KCNMA1: variants seen among roughly 807,000 people sequenced by gnomAD.
KCNMA1 encodes the protein potassium calcium-activated channel subfamily M alpha 1.
In KCNMA1, 29 loss-of-function variants were observed where a neutral mutation model predicts 140.0. That is an observed-to-expected ratio of 0.21 (90% CI 0.15 to 0.28). The LOEUF (loss-of-function observed/expected upper bound fraction) is 0.28, where lower values mean the gene tolerates loss of function less well. Ranked by LOEUF, KCNMA1 falls within the 10% of genes least tolerant of loss-of-function variation. The pLI is 1.00. For missense variants in KCNMA1, 880 were observed against 1,602.2 expected (o/e 0.55, Z 7.70); for synonymous variants, 612 against 611.9 (o/e 1.00, Z 0.00).
intron 19 of KCNMA1, among the ~76,000 whole-genome samples, chr10:76,986,456 T>C (rs1728632253): frequency 6.6e-6 from 1 of 152,216 alleles, no homozygotes; most frequent in Non-Finnish European, 1.5e-5. Flanking sequence ...GTCTCAGGCA[T>C]AGGCCATGGG....
chr10:77,233,236 C>T (rs1445820645), intron 3 of KCNMA1, among the ~76,000 whole-genome samples: 1 of 152,096 alleles, frequency 6.6e-6, no homozygotes, highest in African/African-American at 2.4e-5. Context: ...ATCTATATGT[C>T]CAGAATGACT....
chr10:77,116,294 G>T (rs2097463094), intron 6 of KCNMA1, among the ~76,000 whole-genome samples: 1 of 152,128 alleles, frequency 6.6e-6, no homozygotes, highest in Non-Finnish European at 1.5e-5. Flanking sequence ...GTCAGGCACA[G>T]GATTCTTGTA....
At chr10:77,367,538 C>G (rs997395120) in intron 2 of KCNMA1, among the ~76,000 whole-genome samples, 1 of 152,110 alleles carries the variant, frequency 6.6e-6, no homozygotes, top group African/African-American at 2.4e-5. Flanking sequence ...AGAATCTGCA[C>G]TTTTCAAAAG....
At chr10:77,375,127 C>T (rs1401484345) in intron 2 of KCNMA1, among the ~76,000 whole-genome samples, 2 of 152,144 alleles carry the variant, frequency 1.3e-5, no homozygotes, top group African/African-American at 4.8e-5. Context: ...GTGAAGGTCA[C>T]AGAAAAGGCA....
chr10:77,439,082 A>G (rs1358732293), intron 1 of KCNMA1, among the ~76,000 whole-genome samples: 2 of 123,144 alleles, frequency 1.6e-5, no homozygotes, highest in South Asian at 2.6e-4. Flanking sequence ...AAAAGAAAGA[A>G]AAGAAAAGAG....
intron 6 of KCNMA1, among the ~76,000 whole-genome samples, chr10:77,117,539 C>CAAAAAAAAAAAA (rs56926398): frequency 1.2e-3 from 28 of 22,492 alleles, no homozygotes; most frequent in Non-Finnish European, 1.6e-3. Flanking sequence ...GAGTCTATCT[C>CAAAAAAAAAAAA]AAAAAAAAAA....
chr10:76,914,245 C>A (rs984051595), intron 24 of KCNMA1: 2 of 789,798 alleles, frequency 2.5e-6, no homozygotes, highest in Non-Finnish European at 4.2e-6. Flanking sequence ...AAAGGGACCC[C>A]GGACCACAGG....
At chr10:77,555,572 C>T (rs893810125) in intron 1 of KCNMA1, among the ~76,000 whole-genome samples, 7 of 151,960 alleles carry the variant, frequency 4.6e-5, no homozygotes, top group East Asian at 1.9e-4. Flanking sequence ...CTAGTTCAGC[C>T]GACTTAGAAA....
At chr10:77,421,519 C>T (rs2096866618) in intron 1 of KCNMA1, among the ~76,000 whole-genome samples, 1 of 152,186 alleles carries the variant, frequency 6.6e-6, no homozygotes, top group Non-Finnish European at 1.5e-5. Context: ...AACTATTCAG[C>T]TCTGTTGCTG....
At chr10:77,349,137 A>G (rs1336423016) in intron 2 of KCNMA1, among the ~76,000 whole-genome samples, 2 of 152,134 alleles carry the variant, frequency 1.3e-5, no homozygotes, top group Non-Finnish European at 2.9e-5. Flanking sequence ...CTCATCACCA[A>G]TGTAATTATA....
At chr10:77,434,071 G>A (rs575211571) in intron 1 of KCNMA1, among the ~76,000 whole-genome samples, 5 of 152,124 alleles carry the variant, frequency 3.3e-5, no homozygotes, top group East Asian at 1.9e-4. Flanking sequence ...CTCAACACAC[G>A]GGACATTTAT....
intron 16 of KCNMA1, among the ~76,000 whole-genome samples, chr10:77,027,562 A>T (rs2093572899): frequency 6.6e-6 from 1 of 152,112 alleles, no homozygotes; most frequent in Non-Finnish European, 1.5e-5. Flanking sequence ...TCAGGTGGAG[A>T]TATTTTGAGG....
chr10:76,991,693 G>C (rs1051224062), intron 19 of KCNMA1, among the ~76,000 whole-genome samples: 3 of 152,032 alleles, frequency 2.0e-5, no homozygotes, highest in Admixed American at 2.0e-4. Context: ...TCCTATTCAA[G>C]TACTCTTGCC....
chr10:77,637,606 C>CGCTGCT lies in KCNMA1; in HGVS notation c.31_36dup (p.Ser11_Ser12dup). The CGCTGCT allele has an allele frequency of 6.6e-7, 1 of 1,506,154 alleles. No homozygotes were observed. The highest frequency in any genetic ancestry group is 8.9e-7 in the Non-Finnish European group (1 of 1,129,248). 93.3% of individuals were successfully genotyped at this position (1,506,154 alleles called of 1,614,324 possible). A position where few individuals can be genotyped will look rare whatever the true frequency, so the allele number is the denominator to read the frequency against. The stretch of plus-strand genomic sequence containing the variant: ...CTGCCTCCGCCGCCGCCGCCGCCGC[C>CGCTGCT]GCTGCTGCCGCCGCCGCCGCCGCCA... On this transcript the variant is annotated inframe_insertion, in exon 1 of 28. Coordinates refer to ENST00000286628, the MANE Select transcript of KCNMA1 (RefSeq NM_001161352.2).
chr10:77,124,880 G>A (rs1003090853), intron 5 of KCNMA1, among the ~76,000 whole-genome samples: 9 of 152,156 alleles, frequency 5.9e-5, no homozygotes, highest in Non-Finnish European at 2.9e-5. Context: ...AAAGGAAAGA[G>A]GTTTAATTGA....
chr10:77,259,403 G>A (rs549444871), intron 2 of KCNMA1, among the ~76,000 whole-genome samples: 1 of 152,054 alleles, frequency 6.6e-6, no homozygotes, highest in Admixed American at 6.5e-5. Context: ...CATACTCTGT[G>A]TGCAATGGAC....
In KCNMA1 at chr10:76,949,150, T is replaced by G. The variant is rs762661695; in HGVS notation, c.2701A>C (p.Ile901Leu). Residue 901 changes from isoleucine to leucine, a missense_variant, in exon 22 of 28, where the codon ATA becomes CTA. Transcript: ENST00000286628. Reference sequence around the variant, plus strand: ...TGTGACCTTGGACTTACAGGCAATATGGACACTTTGGGGAAGTTATGAAGC... The same window carrying G: ...TGTGACCTTGGACTTACAGGCAATAGGGACACTTTGGGGAAGTTATGAAGC... ...ETLHNFPKVSILPGTPLSRAD... is the reference protein window; with the variant it reads ...ETLHNFPKVSLLPGTPLSRAD... 1 of 1,612,752 alleles carries G rather than the reference T, an allele frequency of 6.2e-7. No homozygotes were observed. Among genetic ancestry groups the G allele is most frequent in the Non-Finnish European group, 8.5e-7 (1 of 1,178,684 alleles).
chr10:77,171,386 C>CGTGTGT (rs371170620), intron 5 of KCNMA1, among the ~76,000 whole-genome samples: 5 of 137,048 alleles, frequency 3.6e-5, no homozygotes, highest in Non-Finnish European at 7.7e-5. Context: ...AGTACGTGTG[C>CGTGTGT]GTGTGTGTGT....
chr10:77,141,568 G>C (rs1454769988), intron 5 of KCNMA1, among the ~76,000 whole-genome samples: 1 of 152,302 alleles, frequency 6.6e-6, no homozygotes, highest in African/African-American at 2.4e-5. Flanking sequence ...CTGGAATGCT[G>C]ATCTCAGATG....
Sources: allele counts gnomAD v4.1 joint callset (sites outside exome capture counted in the v4.1 genomes callset), GRCh38; gene constraint gnomAD v4.1.1; transcripts MANE v1.5; gene names NCBI Gene and HGNC (gene_info 2026-07-23, HGNC 2026-07-21).